Variants in PIEZO2 observed in about 807,000 individuals in gnomAD.
PIEZO2 encodes the protein piezo-type mechanosensitive ion channel component 2.
In PIEZO2, 172 loss-of-function variants were observed where a neutral mutation model predicts 337.3. The observed-to-expected ratio is 0.51, with a 90% CI of 0.45 to 0.58. The LOEUF is 0.58. Among genes scored for constraint, PIEZO2 ranks in the 20% least tolerant of loss-of-function variants. The probability of loss-of-function intolerance (pLI) is 0.00; values close to 1 mark genes in which losing one functional copy is unlikely to be tolerated. For missense variants in PIEZO2, 3,028 were observed against 3,391.3 expected (o/e 0.89, Z 2.66); for synonymous variants, 1,251 against 1,228.5 (o/e 1.02, Z -0.38).
At chr18:11,085,843 GGA>G (rs1491207293) in intron 1 of PIEZO2, among the ~76,000 whole-genome samples, 2 of 90,098 alleles carry the variant, frequency 2.2e-5, no homozygotes, top group African/African-American at 1.6e-4. Flanking sequence ...TGGCAAGAAA[GGA>G]AAAAAAAAAA....
At chr18:10,985,787 CA>C (rs2034846381) in intron 2 of PIEZO2, among the ~76,000 whole-genome samples, 1 of 151,556 alleles carries the variant, frequency 6.6e-6, no homozygotes, top group Non-Finnish European at 1.5e-5. Flanking sequence ...CATCAAATCA[CA>C]AAATAAGACA....
At position 10,775,552 on chromosome 18, in the gene PIEZO2, T is replaced by C. The variant is rs986675662; in HGVS notation, c.2535-1514A>G. The stretch of plus-strand genomic sequence containing the variant: ...CTCATACGACAAGAAAACTACTTTC[T>C]AACAATTACTGCTATTAACAGAGTG... On this transcript the variant is annotated intron_variant, in intron 18 of 55. Transcript: ENST00000674853. The surrounding 1 kb of genome is among the most constrained non-coding windows in gnomAD (Gnocchi z 4.3). Among the ~76,000 whole-genome samples the C allele has an allele frequency of 6.6e-6, 1 of 152,216 alleles. No homozygotes were observed. Among genetic ancestry groups the C allele is most frequent in the Admixed American group, 6.5e-5 (1 of 15,286 alleles).
intron 36 of PIEZO2, among the ~76,000 whole-genome samples, 160 bp downstream of exon 36, chr18:10,731,247 A>C (rs930907952): frequency 2.8e-5 from 4 of 142,720 alleles, no homozygotes; most frequent in African/African-American, 1.0e-4. Context: ...AATTTATTCC[A>C]AGTGTCAGAA....
At chr18:10,798,176 T>C (rs2039679010) in intron 11 of PIEZO2, among the ~76,000 whole-genome samples, 1 of 152,216 alleles carries the variant, frequency 6.6e-6, no homozygotes, top group African/African-American at 2.4e-5. Context: ...ATGAGCAACC[T>C]TGAGCCAGAG....
rs2040733946 is a variant in PIEZO2 at position 11,143,684 on chromosome 18, C to G, written c.64+4841G>C. On this transcript the variant is annotated intron_variant, in intron 1 of 55. Transcript: ENST00000674853. This position sits in a 1 kb window ranked among gnomAD's most constrained non-coding sequence, Gnocchi z 4.9. The stretch of plus-strand genomic sequence containing the variant: ...TCTCTCTCTCTCTCACTCTCTCTCT[C>G]TCACATAATTTGGCTCTAGGAAGGC... Among the ~76,000 whole-genome samples, 1 of 151,790 alleles carries G rather than the reference C, an allele frequency of 6.6e-6. No homozygotes were observed. Among genetic ancestry groups the G allele is most frequent in the Non-Finnish European group, 1.5e-5 (1 of 67,970 alleles).
chr18:11,032,104 G>GGCCCCAATCAT lies in PIEZO2; in HGVS notation c.160+34012_160+34022dup, dbSNP rs1295175091. On this transcript the variant is annotated intron_variant, in intron 2 of 55. Transcript: ENST00000674853. This position sits in a 1 kb window ranked among gnomAD's most constrained non-coding sequence, Gnocchi z 4.9. ...CCATGTACCAAAGCGTGTGCTACAT[G>GGCCCCAATCAT]GCCCCAATCATGCTATTTGAATTGA... Among the ~76,000 whole-genome samples the GGCCCCAATCAT allele has an allele frequency of 2.0e-5, 3 of 152,130 alleles. No homozygotes were observed. The highest frequency in any genetic ancestry group is 4.4e-5 in the Non-Finnish European group (3 of 68,034).
chr18:11,049,882 G>C (rs181371883), intron 2 of PIEZO2, among the ~76,000 whole-genome samples: 307 of 152,234 alleles, frequency 2.0e-3, no homozygotes, highest in African/African-American at 4.9e-3. Context: ...TCAGCAGCAT[G>C]AAAACGGAGT....
At chr18:10,782,571 A>G (rs2039067431) in intron 17 of PIEZO2, among the ~76,000 whole-genome samples, 1 of 144,790 alleles carries the variant, frequency 6.9e-6, no homozygotes, top group Non-Finnish European at 1.5e-5. Context: ...ATGAAATCCT[A>G]TGTCCTTAAA....
Position 11,127,336 on chromosome 18 carries a change from TGATTG to T in PIEZO2, c.64+21184_64+21188del, listed in dbSNP as rs759339295. ...TGATGGTTAATACTGAGTGTGAACT[TGATTG>T]GATTGAAGGATACGATGTATTGATC... On this transcript the variant is annotated intron_variant, in intron 1 of 55. Transcript: ENST00000674853. The surrounding 1 kb of genome is among the most constrained non-coding windows in gnomAD (Gnocchi z 4.5). 6.6e-6 allele frequency among the ~76,000 whole-genome samples: 1 copy of T among 152,170 alleles called. No homozygotes were observed. The highest frequency in any genetic ancestry group is 2.4e-5 in the African/African-American group (1 of 41,442).
intron 4 of PIEZO2, among the ~76,000 whole-genome samples, chr18:10,889,036 A>C (rs569680492): frequency 3.9e-5 from 6 of 152,342 alleles, no homozygotes; most frequent in Non-Finnish European, 7.3e-5. Context: ...AGGAAGGAAA[A>C]ATGGAAAGGC....
intron 36 of PIEZO2, among the ~76,000 whole-genome samples, chr18:10,718,622 A>T (rs191606380): frequency 6.6e-6 from 1 of 152,368 alleles, no homozygotes; most frequent in Admixed American, 6.5e-5. Context: ...ATTAACAGTC[A>T]TGCCCATTTG....
rs960470269 is a variant in PIEZO2, at chr18:11,148,784, C to A, written c.-196G>T. ...GGGCTCTTGGCCGCCCCTCGCCCACCGGGCTCTGGGTAGCCCCTCACCAGG... is the reference window on the plus strand; with the variant it reads ...GGGCTCTTGGCCGCCCCTCGCCCACAGGGCTCTGGGTAGCCCCTCACCAGG... On this transcript the variant is annotated 5_prime_UTR_variant, in exon 1 of 56. Coordinates refer to ENST00000674853, the MANE Select transcript of PIEZO2 (RefSeq NM_001378183.1). The surrounding 1 kb of genome is among the most constrained non-coding windows in gnomAD (Gnocchi z 5.2). 3 of 546,662 alleles carry A rather than the reference C, an allele frequency of 5.5e-6. No individual in the cohort carries two copies. The African/African-American group carries it at 6.1e-5, about 11-fold the overall frequency. 33.9% of individuals were successfully genotyped at this position (546,662 alleles called of 1,614,324 possible). A position where few individuals can be genotyped will look rare whatever the true frequency, so the allele number is the denominator to read the frequency against.
At chr18:10,679,110 T>A (rs1275376538) in intron 52 of PIEZO2, among the ~76,000 whole-genome samples, 1 of 152,106 alleles carries the variant, frequency 6.6e-6, no homozygotes, top group Non-Finnish European at 1.5e-5. Context: ...ATTTTTGTAT[T>A]TTTAGTAAAG....
chr18:10,973,619 G>A lies in PIEZO2; in HGVS notation c.286+5916C>T, dbSNP rs186802642. ...ATAGCTTGGACCAGTTTTTTAAATT[G>A]TTGTATTGAGCGGCAACATCTGCTT... On this transcript the variant is annotated intron_variant, in intron 3 of 55. Transcript: ENST00000674853. This position sits in a 1 kb window ranked among gnomAD's most constrained non-coding sequence, Gnocchi z 4.9. 1.3e-4 allele frequency among the ~76,000 whole-genome samples: 20 copies of A among 152,308 alleles called. No homozygotes were observed. In the East Asian group the frequency reaches 3.9e-3, roughly 29 times the overall value.
At chr18:11,114,841 A>G (rs2039841718) in intron 1 of PIEZO2, among the ~76,000 whole-genome samples, 1 of 152,182 alleles carries the variant, frequency 6.6e-6, no homozygotes, top group Non-Finnish European at 1.5e-5. Flanking sequence ...TCAAATAAAC[A>G]CACAGAAGCT....
chr18:10,871,441 G>T, intron 4 of PIEZO2, 26 bp from the exon 5 acceptor site: 5 of 1,513,092 alleles, frequency 3.3e-6, no homozygotes, highest in Non-Finnish European at 4.4e-6. Flanking sequence ...AAGGGGAGGG[G>T]AAAAAAATTT....
chr18:11,100,853 C>A (rs1468245983), intron 1 of PIEZO2, among the ~76,000 whole-genome samples: 1 of 152,196 alleles, frequency 6.6e-6, no homozygotes, highest in African/African-American at 2.4e-5. Flanking sequence ...CCTTGGCCTC[C>A]CAAAGTGCTG....
At chr18:10,684,625 C>T (rs907050868) in intron 49 of PIEZO2, among the ~76,000 whole-genome samples, 13 of 151,774 alleles carry the variant, frequency 8.6e-5, no homozygotes, top group Non-Finnish European at 4.4e-5. Flanking sequence ...TCACCACACC[C>T]GACTAATTTT....
intron 52 of PIEZO2, 141 bp downstream of exon 52, chr18:10,680,058 A>C (rs2034194421): frequency 1.7e-6 from 1 of 602,704 alleles, no homozygotes; most frequent in Non-Finnish European, 2.6e-6. Context: ...ATTGAAGGTA[A>C]GTTCCCAAGG....
Sources: gnomAD v4.1 joint callset for allele counts (sites outside exome capture counted in the v4.1 genomes callset) on GRCh38, gnomAD v4.1.1 for gene constraint, Gnocchi (gnomAD v3.1) non-coding constraint, MANE v1.5 for transcripts, NCBI Gene and HGNC (gene_info 2026-07-23, HGNC 2026-07-21) for gene names.